ANKRD30BL: variants seen among roughly 807,000 people sequenced by gnomAD.
ANKRD30BL encodes putative ankyrin repeat domain-containing protein 30B-like.
Under a neutral mutation model 18.4 loss-of-function variants are expected in ANKRD30BL, and 20 were observed. The observed-to-expected ratio is 1.09, with a 90% CI of 0.77 to 1.58. ANKRD30BL has a LOEUF of 1.58. Among genes scored for constraint, ANKRD30BL ranks in the 40% most tolerant of loss-of-function variants. The pLI, the probability that ANKRD30BL is intolerant of heterozygous loss-of-function variation, is 0.00. For synonymous variants in ANKRD30BL, 72 were observed against 100.9 expected (o/e 0.71, Z 1.72); for missense variants, 224 against 268.6 (o/e 0.83, Z 1.16).
intron 1 of ANKRD30BL, among the ~76,000 whole-genome samples, chr2:132,190,190 G>A (rs1678815608): frequency 6.6e-6 from 1 of 152,102 alleles, no homozygotes; most frequent in African/African-American, 2.4e-5. Flanking sequence ...TGATTTGAAT[G>A]ATACCAACTA....
At chr2:132,166,760 T>C (rs1332534706), upstream of ANKRD30BL, among the ~76,000 whole-genome samples, 1 of 152,044 alleles carries the variant, frequency 6.6e-6, no homozygotes, top group Non-Finnish European at 1.5e-5. Flanking sequence ...CAGCTTTCTG[T>C]TTCATTGATT....
At chr2:132,236,366 A>G (rs936069039) in intron 1 of ANKRD30BL, among the ~76,000 whole-genome samples, 2 of 152,098 alleles carry the variant, frequency 1.3e-5, no homozygotes, top group African/African-American at 4.8e-5. Flanking sequence ...CATTTTTGCA[A>G]CCTACTCATC....
intron 1 of ANKRD30BL, among the ~76,000 whole-genome samples, chr2:132,200,323 G>A (rs1004985436): frequency 1.2e-4 from 18 of 151,968 alleles, no homozygotes; most frequent in African/African-American, 4.4e-4. Flanking sequence ...GAAATAAAGG[G>A]TATTCAATTA....
intron 1 of ANKRD30BL, among the ~76,000 whole-genome samples, chr2:132,188,639 G>A (rs562113155): frequency 1.9e-4 from 29 of 152,290 alleles, no homozygotes; most frequent in African/African-American, 6.3e-4. Flanking sequence ...GAACCCGGGA[G>A]GTGGAGCTTG....
intron 1 of ANKRD30BL, among the ~76,000 whole-genome samples, chr2:132,252,562 C>T (rs1433046393): frequency 8.1e-5 from 12 of 147,988 alleles, no homozygotes; most frequent in Non-Finnish European, 1.2e-4. Context: ...GGTGGGTGGG[C>T]GAGGAGGACG....
chr2:132,161,402 A>T, intron 1 of ANKRD30BL, 86 bp downstream of exon 1: 1 of 1,284,020 alleles, frequency 7.8e-7, no homozygotes, highest in South Asian at 1.4e-5. Flanking sequence ...CCTCGTCCCC[A>T]GGACCCCCAG....
intron 1 of ANKRD30BL, among the ~76,000 whole-genome samples, chr2:132,170,878 C>T (rs1688265719): frequency 6.6e-6 from 1 of 152,122 alleles, no homozygotes; most frequent in African/African-American, 2.4e-5. Context: ...CACTTGGAGG[C>T]CGAGCCGGTG....
intron 1 of ANKRD30BL, among the ~76,000 whole-genome samples, chr2:132,193,476 C>G (rs1386011020): frequency 6.6e-6 from 1 of 152,142 alleles, no homozygotes; most frequent in Non-Finnish European, 1.5e-5. Context: ...AATTCCTGAT[C>G]CACAGGCATA....
chr2:132,240,680 A>G (rs1009254781), intron 1 of ANKRD30BL, among the ~76,000 whole-genome samples: 10 of 151,986 alleles, frequency 6.6e-5, no homozygotes, highest in African/African-American at 2.2e-4. Context: ...AAAACTAGAC[A>G]GAAGCATTCT....
chr2:132,198,303 TCTTTCTTTCTTTCTTTCTTTC>T (rs1558928506), intron 1 of ANKRD30BL, among the ~76,000 whole-genome samples: 209 of 13,584 alleles, frequency 0.015, 9 homozygotes, highest in African/African-American at 0.024. Flanking sequence ...TTTCTTTCTT[TCTTTCTTTCTTTCTTTCTTTC>T]TTTTTTTTTT....
chr2:132,180,509 G>T (rs1436478722), intron 1 of ANKRD30BL, among the ~76,000 whole-genome samples: 2 of 152,134 alleles, frequency 1.3e-5, no homozygotes, highest in Admixed American at 1.3e-4. Flanking sequence ...ATATGCAGGG[G>T]CATGCAGAGA....
At chr2:132,150,713 C>G (rs1687734288) in intron 5 of ANKRD30BL, among the ~76,000 whole-genome samples, 199 bp downstream of exon 5, 1 of 151,474 alleles carries the variant, frequency 6.6e-6, no homozygotes, top group South Asian at 2.1e-4. Flanking sequence ...TTATAAACTA[C>G]CTACAACTAA....
intron 4 of ANKRD30BL, chr2:132,153,403 C>A: frequency 2.6e-6 from 1 of 382,156 alleles, no homozygotes; most frequent in Non-Finnish European, 5.3e-6. Flanking sequence ...GTCCCTAAAG[C>A]CCTAAAATAA....
At chr2:132,191,300 C>T (rs1335570088) in intron 1 of ANKRD30BL, among the ~76,000 whole-genome samples, 1 of 152,102 alleles carries the variant, frequency 6.6e-6, no homozygotes, top group African/African-American at 2.4e-5. Context: ...ATATGTTTAT[C>T]CTTTAGCCTG....
chr2:132,162,954 T>A (rs1688113717), upstream of ANKRD30BL, among the ~76,000 whole-genome samples: 1 of 152,176 alleles, frequency 6.6e-6, no homozygotes. Context: ...GGGTCCCGTT[T>A]AGAGGGCTTC....
At chr2:132,232,412 A>C (rs1680047788) in intron 1 of ANKRD30BL, among the ~76,000 whole-genome samples, 1 of 152,194 alleles carries the variant, frequency 6.6e-6, no homozygotes, top group Non-Finnish European at 1.5e-5. Context: ...ATTCAAGCCA[A>C]AGGCAAAGAA....
chr2:132,233,721 C>G (rs1558730566), intron 1 of ANKRD30BL, among the ~76,000 whole-genome samples: 1 of 145,342 alleles, frequency 6.9e-6, no homozygotes, highest in Non-Finnish European at 1.5e-5. Flanking sequence ...ACTTAGACTC[C>G]CACACATTAA....
chr2:132,198,324 C>T (rs13014931), intron 1 of ANKRD30BL, among the ~76,000 whole-genome samples: 2,310 of 16,400 alleles, frequency 0.14, 158 homozygotes, highest in African/African-American at 0.27. Flanking sequence ...TTCTTTCTTT[C>T]TTTTTTTTTT....
chr2:132,187,761 C>CTTT (rs113704728), intron 1 of ANKRD30BL, among the ~76,000 whole-genome samples: 2 of 142,220 alleles, frequency 1.4e-5, no homozygotes, highest in African/African-American at 5.1e-5. Context: ...AGAATAGATT[C>CTTT]TTTTTTTTTT....
Sources: gnomAD v4.1 joint callset for allele counts (sites outside exome capture counted in the v4.1 genomes callset) on GRCh38, gnomAD v4.1.1 for gene constraint, MANE v1.5 for transcripts, NCBI Gene and HGNC (gene_info 2026-07-23, HGNC 2026-07-21) for gene names.